GADL1: variants seen among roughly 807,000 people sequenced by gnomAD.
GADL1 encodes the protein acidic amino acid decarboxylase GADL1.
Under a neutral mutation model 69.5 loss-of-function variants are expected in GADL1, and 71 were observed. The ratio of observed to expected loss-of-function variants is 1.02; its 90% CI spans 0.84 to 1.25. The LOEUF (loss-of-function observed/expected upper bound fraction) is 1.25, where lower values mean the gene tolerates loss of function less well. GADL1 is among the 50% of genes most tolerant of loss of function. The pLI, the probability that GADL1 is intolerant of heterozygous loss-of-function variation, is 0.00. For missense variants in GADL1, 737 were observed against 631.8 expected, an observed-to-expected ratio of 1.17 and a Z score of -1.79; for synonymous variants, 254 against 214.4, an observed-to-expected ratio of 1.18 and a Z score of -1.62.
chr3:30,766,092 T>C lies in GADL1; in HGVS notation c.1392+12087A>G, dbSNP rs9876282. Among the ~76,000 whole-genome samples the C allele has an allele frequency of 9.2e-4, 140 of 152,244 alleles. 2 individuals carry two copies. The highest frequency in any genetic ancestry group is 3.2e-3 in the African/African-American group (134 of 41,542). On this transcript the variant is annotated intron_variant, in intron 14 of 14. Transcript: ENST00000282538. ...AATTGACTGTATTGGTTAAATGATA[T>C]TGGTTAAAAGTTATAAATGGCTTAC...
At chr3:30,801,157 T>G in intron 11 of GADL1, 69 bp from the exon 12 acceptor site, 1 of 1,154,656 alleles carries the variant, frequency 8.7e-7, no homozygotes, top group Non-Finnish European at 1.3e-6. Context: ...AGCAAACACA[T>G]GTACACACAC....
chr3:30,773,426 A>G (rs552917948), intron 14 of GADL1, among the ~76,000 whole-genome samples: 3 of 152,110 alleles, frequency 2.0e-5, no homozygotes, highest in East Asian at 1.9e-4. Flanking sequence ...TCACAAACAT[A>G]CATTATAGAA....
intron 12 of GADL1, among the ~76,000 whole-genome samples, chr3:30,787,926 T>A (rs1696831232): frequency 6.6e-6 from 1 of 152,196 alleles, no homozygotes; most frequent in Non-Finnish European, 1.5e-5. Context: ...CAGCTTTTTA[T>A]ATTAAAATAT....
At chr3:30,734,316 T>C (rs891050955) in intron 14 of GADL1, among the ~76,000 whole-genome samples, 1 of 152,222 alleles carries the variant, frequency 6.6e-6, no homozygotes, top group African/African-American at 2.4e-5. Context: ...ATATGTCTCA[T>C]ACAAATACTT....
At chr3:30,741,136 ATATG>A (rs1281126067) in intron 14 of GADL1, among the ~76,000 whole-genome samples, 12,185 of 107,006 alleles carry the variant, frequency 0.11, 1,380 homozygotes, top group African/African-American at 0.32. Flanking sequence ...ATATATATAT[ATATG>A]TGTGAGATAG....
At chr3:30,854,513 T>C (rs1437443475) in intron 4 of GADL1, among the ~76,000 whole-genome samples, 186 bp downstream of exon 4, 5 of 152,140 alleles carry the variant, frequency 3.3e-5, no homozygotes, top group African/African-American at 1.2e-4. Context: ...GCCTTTTCCA[T>C]CTCACGGTAC....
chr3:30,838,661 G>A (rs1173025051), intron 9 of GADL1, among the ~76,000 whole-genome samples: 2 of 152,116 alleles, frequency 1.3e-5, no homozygotes, highest in Non-Finnish European at 2.9e-5. Flanking sequence ...AGAAGAGGCA[G>A]ATCAGAATTT....
chr3:30,865,031 T>C (rs1413059336), intron 1 of GADL1, among the ~76,000 whole-genome samples: 1 of 152,014 alleles, frequency 6.6e-6, no homozygotes, highest in Non-Finnish European at 1.5e-5. Context: ...AACATCCTTC[T>C]AATAACCTCA....
At chr3:30,872,986 A>G (rs973443068) in intron 1 of GADL1, among the ~76,000 whole-genome samples, 1 of 151,790 alleles carries the variant, frequency 6.6e-6, no homozygotes, top group Non-Finnish European at 1.5e-5. Context: ...CAGACAATAA[A>G]TATGCTGTTT....
intron 1 of GADL1, among the ~76,000 whole-genome samples, chr3:30,876,743 G>T (rs1014369497): frequency 1.3e-5 from 2 of 151,862 alleles, no homozygotes; most frequent in Non-Finnish European, 2.9e-5. Context: ...CCATAGCTCA[G>T]CATCCTTCAA....
At chr3:30,864,973 A>G (rs1698376580) in intron 1 of GADL1, among the ~76,000 whole-genome samples, 1 of 151,984 alleles carries the variant, frequency 6.6e-6, no homozygotes, top group Non-Finnish European at 1.5e-5. Context: ...TGATCACATG[A>G]TGACTCCTGC....
intron 12 of GADL1, chr3:30,799,734 A>G (rs1040584704): frequency 1.3e-5 from 2 of 152,134 alleles, no homozygotes; most frequent in African/African-American, 4.8e-5. Flanking sequence ...AATGCTTTTA[A>G]TGGCATCCAA....
At chr3:30,791,655 G>GT (rs1275898695) in intron 12 of GADL1, among the ~76,000 whole-genome samples, 8 of 151,618 alleles carry the variant, frequency 5.3e-5, no homozygotes. Context: ...TGGGCTTTGT[G>GT]TTGGGGTAAT....
intron 14 of GADL1, among the ~76,000 whole-genome samples, chr3:30,773,329 CTTT>C (rs1696461405): frequency 6.6e-6 from 1 of 152,046 alleles, no homozygotes; most frequent in South Asian, 2.1e-4. Context: ...ACCTGGATAA[CTTT>C]TTGTCTAGAT....
At chr3:30,819,597 G>A (rs370749737) in intron 11 of GADL1, among the ~76,000 whole-genome samples, 1 of 152,092 alleles carries the variant, frequency 6.6e-6, no homozygotes, top group East Asian at 1.9e-4. Context: ...AGCCAAAACT[G>A]CCCTCAAATG....
intron 14 of GADL1, among the ~76,000 whole-genome samples, chr3:30,770,819 A>G (rs1450287538): frequency 5.4e-5 from 5 of 92,720 alleles, no homozygotes; most frequent in African/African-American, 1.2e-4. Context: ...GAAACAAGAG[A>G]AGAGAGGCTG....
At chr3:30,838,972 G>T in intron 9 of GADL1, 25 bp downstream of exon 9, 1 of 1,375,880 alleles carries the variant, frequency 7.3e-7, no homozygotes, top group Non-Finnish European at 1.0e-6. Context: ...AGGTTAAACA[G>T]GTATGTACAC....
At chr3:30,729,939 A>G (rs2125467919) in intron 14 of GADL1, among the ~76,000 whole-genome samples, 1 of 152,350 alleles carries the variant, frequency 6.6e-6, no homozygotes, top group African/African-American at 2.4e-5. Flanking sequence ...ACAAGATATG[A>G]AAAGAAAATA....
chr3:30,734,418 T>C (rs1695511141), intron 14 of GADL1, among the ~76,000 whole-genome samples: 1 of 152,194 alleles, frequency 6.6e-6, no homozygotes, highest in African/African-American at 2.4e-5. Context: ...GAACTGGATT[T>C]TCCTTTACAC....
Sources: gnomAD v4.1 joint callset for allele counts (sites outside exome capture counted in the v4.1 genomes callset) on GRCh38, gnomAD v4.1.1 for gene constraint, MANE v1.5 for transcripts, NCBI Gene and HGNC (gene_info 2026-07-23, HGNC 2026-07-21) for gene names.